Variants in STARD8 observed in about 807,000 individuals in gnomAD.
STARD8 encodes StAR related lipid transfer domain containing 8.
STARD8 carries 25 observed loss-of-function variants against 69.4 expected under a neutral mutation model. That is an observed-to-expected ratio of 0.36 (90% CI 0.26 to 0.50). The LOEUF (loss-of-function observed/expected upper bound fraction) is 0.50. Ranked by LOEUF, STARD8 falls within the 20% of genes least tolerant of loss-of-function variation. STARD8 has a pLI of 0.96. For synonymous variants in STARD8, 389 were observed against 374.6 expected (o/e 1.04, Z -0.45); for missense variants, 921 against 932.5 (o/e 0.99, Z 0.16).
chrX:68,717,961 C>T lies in STARD8; in HGVS notation c.1047C>T (p.Gly349=). Residue 349 remains glycine (G), a synonymous_variant, in exon 6 of 15, where the codon GGC becomes GGT. Transcript: ENST00000374599. ...EGRRGSCGST[G]SHASTYDNLP... ...GCCGGGGCTCCTGTGGCTCAACGGG[C>T]AGCCATGCCAGCACGTATGACAACT... The T allele has an allele frequency of 8.3e-7, 1 of 1,209,598 alleles. No individual in the cohort carries two copies. Among genetic ancestry groups the T allele is most frequent in the Non-Finnish European group, 1.1e-6 (1 of 894,471 alleles).
chrX:68,656,846 C>T (rs781753835), intron 1 of STARD8, among the ~76,000 whole-genome samples: 4 of 109,266 alleles, frequency 3.7e-5, no homozygotes, highest in East Asian at 2.9e-4. Flanking sequence ...CATCACAGAC[C>T]GGGGCCTGTT....
At chrX:68,664,305 C>T (rs1422607307) in intron 1 of STARD8, among the ~76,000 whole-genome samples, 2 of 111,418 alleles carry the variant, frequency 1.8e-5, no homozygotes, top group African/African-American at 6.5e-5. Flanking sequence ...TTTGCCTGAA[C>T]TACTGCAAAA....
chrX:68,723,686 G>A lies in STARD8; in HGVS notation c.2860G>A (p.Ala954Thr). Residue 954 changes from alanine (A) to threonine (T), a missense_variant, in exon 13 of 15, where the codon GCT (alanine) becomes ACT (threonine). Coordinates refer to ENST00000374599, the MANE Select transcript of STARD8 (RefSeq NM_001142503.3). ...KASTEVAAPP[A>T]VVLHRVLRER... The stretch of plus-strand genomic sequence containing the variant: ...ATCCACAGAGGTGGCAGCCCCCCCA[G>A]CTGTGGTGCTGCATCGTGTTCTCCG... The A allele has an allele frequency of 8.3e-7, 1 of 1,198,475 alleles. No individual in the cohort carries two copies. The highest frequency in any genetic ancestry group is 1.1e-6 in the Non-Finnish European group (1 of 889,045).
At chrX:68,721,847 T>A in intron 10 of STARD8, 101 bp downstream of exon 10, 1 of 920,523 alleles carries the variant, frequency 1.1e-6, no homozygotes, top group Non-Finnish European at 1.5e-6. Context: ...TGTCTCAGCC[T>A]CACCACAAGG....
intron 11 of STARD8, 54 bp downstream of exon 11, chrX:68,722,215 G>T (rs1043798131): frequency 2.8e-6 from 3 of 1,072,255 alleles, no homozygotes; most frequent in Middle Eastern, 2.5e-4. Flanking sequence ...GAACCATCAG[G>T]CCTGACCTCG....
chrX:68,681,070 G>A (rs2079797956), intron 2 of STARD8, among the ~76,000 whole-genome samples: 1 of 111,151 alleles, frequency 9.0e-6, no homozygotes, highest in Non-Finnish European at 1.9e-5. Context: ...CTCTAGAGCT[G>A]GTAAAATGTG....
At chrX:68,713,613 T>A (rs2080069306) in intron 3 of STARD8, among the ~76,000 whole-genome samples, 1 of 111,692 alleles carries the variant, frequency 9.0e-6, no homozygotes, top group Admixed American at 9.5e-5. Flanking sequence ...GCTTCTGGAA[T>A]GCCCCCCTTT....
At chrX:68,716,218 C>T in intron 4 of STARD8, 150 bp from the exon 5 acceptor site, 2 of 489,786 alleles carry the variant, frequency 4.1e-6, no homozygotes, top group Admixed American at 6.8e-5. Flanking sequence ...ATCTTCCCAG[C>T]ATTGTGTCTG....
chrX:68,661,411 A>T (rs977457198), intron 1 of STARD8, among the ~76,000 whole-genome samples: 2 of 110,582 alleles, frequency 1.8e-5, no homozygotes, highest in African/African-American at 6.6e-5. Context: ...CTCTGAAAAA[A>T]CTCATGATCT....
intron 2 of STARD8, among the ~76,000 whole-genome samples, chrX:68,669,540 A>G (rs1257360831): frequency 8.9e-6 from 1 of 112,010 alleles, no homozygotes; most frequent in Non-Finnish European, 1.9e-5. Flanking sequence ...ATCTTCCCCA[A>G]GGCCCCCTGC....
chrX:68,704,894 G>T (rs1051974465), intron 2 of STARD8, among the ~76,000 whole-genome samples: 2 of 111,817 alleles, frequency 1.8e-5, no homozygotes, highest in African/African-American at 6.5e-5. Flanking sequence ...CTTGCCTGAG[G>T]TTATGCAAGT....
intron 2 of STARD8, among the ~76,000 whole-genome samples, chrX:68,670,157 G>A (rs1477385547): frequency 8.9e-6 from 1 of 112,139 alleles, no homozygotes; most frequent in Non-Finnish European, 1.9e-5. Flanking sequence ...TTCAGCCAAG[G>A]TAAAAATGCT....
At chrX:68,659,000 C>T (rs1569352801) in intron 1 of STARD8, among the ~76,000 whole-genome samples, 1 of 112,117 alleles carries the variant, frequency 8.9e-6, no homozygotes, top group African/African-American at 3.3e-5. Context: ...GGTTGGTTGC[C>T]TTCTGGGAGC....
Position 68,717,544 on chromosome X carries a change from C to G in STARD8, c.630C>G (p.Leu210=), listed in dbSNP as rs1308539649. Residue 210 remains leucine, a synonymous_variant, in exon 6 of 15, where the codon CTC becomes CTG. Transcript: ENST00000374599. ...AGCGCCATCGTAACCGTAGCTTCCT[C>G]AAGCACCTTGAATCTCTGAGGCGGA... The part of the protein sequence containing the change: ...AKKRHRNRSF[L]KHLESLRRKE... 8.3e-7 allele frequency: 1 copy of G among 1,211,523 alleles called. No individual in the cohort carries two copies. Among genetic ancestry groups the G allele is most frequent in the South Asian group, 1.8e-5 (1 of 56,970 alleles).
intron 1 of STARD8, among the ~76,000 whole-genome samples, chrX:68,664,100 C>T (rs1306286981): frequency 8.9e-6 from 1 of 111,922 alleles, no homozygotes; most frequent in Non-Finnish European, 1.9e-5. Flanking sequence ...AAGAGATAGA[C>T]ACATACTATG....
intron 2 of STARD8, among the ~76,000 whole-genome samples, chrX:68,670,528 G>A (rs1466381202): frequency 9.0e-6 from 1 of 111,088 alleles, no homozygotes; most frequent in Admixed American, 9.6e-5. Context: ...GACAGAATTA[G>A]GTCTAGGTTT....
chrX:68,675,849 G>A (rs1245026048), intron 2 of STARD8, among the ~76,000 whole-genome samples: 1 of 111,598 alleles, frequency 9.0e-6, no homozygotes, highest in African/African-American at 3.3e-5. Context: ...TTTGAGGCCC[G>A]GTTTGCAGCA....
chrX:68,712,558 C>T (rs768334389), intron 2 of STARD8, among the ~76,000 whole-genome samples: 26 of 112,433 alleles, frequency 2.3e-4, no homozygotes, highest in African/African-American at 8.4e-4. Context: ...CAGAAAGGCT[C>T]GGGGGTGGAC....
rs766140204 is a variant in STARD8 at position 68,718,016 on chromosome X, A to G, written c.1102A>G (p.Met368Val). The G allele has an allele frequency of 2.0e-5, 24 of 1,208,834 alleles. No homozygotes were observed. In the South Asian group the frequency reaches 3.4e-4, roughly 17 times the overall value. Residue 368 changes from methionine (M) to valine (V), a missense_variant, in exon 6 of 15, where the codon ATG (methionine) becomes GTG (valine). Coordinates refer to ENST00000374599, the MANE Select transcript of STARD8 (RefSeq NM_001142503.3). ...TGAGCTGTACCCAGCTGAGCCTGTA[A>G]TGGTTGGGGCTGAGGCTGAAGATGA... is the stretch of plus-strand genomic sequence containing the variant. ...LPELYPAEPV[M>V]VGAEAEDEDD...
Sources: gnomAD v4.1 joint callset for allele counts (sites outside exome capture counted in the v4.1 genomes callset) on GRCh38, gnomAD v4.1.1 for gene constraint, MANE v1.5 for transcripts, NCBI Gene and HGNC (gene_info 2026-07-23, HGNC 2026-07-21) for gene names.